COPS4: variants seen among roughly 807,000 people sequenced by gnomAD.
COPS4 encodes the protein COP9 signalosome subunit 4.
A neutral mutation model predicts 55.1 loss-of-function variants in COPS4; 8 were observed. The ratio of observed to expected loss-of-function variants is 0.15; its 90% CI spans 0.09 to 0.26. The LOEUF is 0.26. Among genes scored for constraint, COPS4 ranks in the 10% least tolerant of loss-of-function variants. COPS4 has a pLI of 1.00. For missense variants in COPS4, 248 were observed against 484.0 expected (o/e 0.51, Z 4.58); for synonymous variants, 185 against 165.7 (o/e 1.12, Z -0.90).
At chr4:83,040,941 A>G (rs1001121485) in intron 1 of COPS4, among the ~76,000 whole-genome samples, 1 of 152,100 alleles carries the variant, frequency 6.6e-6, no homozygotes, top group African/African-American at 2.4e-5. Flanking sequence ...TTAAGAATCA[A>G]CATACTGAAT....
intron 5 of COPS4, 80 bp from the exon 6 acceptor site, chr4:83,057,178 T>C: frequency 6.6e-7 from 1 of 1,508,984 alleles, no homozygotes. Flanking sequence ...ATATTAGAAA[T>C]TGTTTCTCTG....
chr4:83,064,785 C>T (rs1453491562), intron 7 of COPS4, among the ~76,000 whole-genome samples: 1 of 150,612 alleles, frequency 6.6e-6, no homozygotes, highest in African/African-American at 2.4e-5. Flanking sequence ...GTCTTGAACT[C>T]CTGGCCTCAA....
At chr4:83,049,664 C>T in intron 3 of COPS4, 2 of 510,080 alleles carry the variant, frequency 3.9e-6, no homozygotes, top group South Asian at 2.7e-5. Flanking sequence ...AGTATTGTAC[C>T]ATAATCCACA....
At chr4:83,073,256 A>G (rs1345897987) in intron 9 of COPS4, 11 of 696,450 alleles carry the variant, frequency 1.6e-5, no homozygotes, top group Non-Finnish European at 2.1e-5. Flanking sequence ...CCTAGTCTGG[A>G]TAGTTCATAT....
chr4:83,051,276 T>G (rs573650945), intron 4 of COPS4, among the ~76,000 whole-genome samples: 9 of 151,972 alleles, frequency 5.9e-5, no homozygotes, highest in Non-Finnish European at 8.8e-5. Context: ...TAGCTGGGCC[T>G]GGTGATATAG....
rs1427572068 is a variant in COPS4, at chr4:83,063,451, G to T, written c.886+205G>T. 2.2e-5 allele frequency among the ~76,000 whole-genome samples: 3 copies of T among 139,290 alleles called. No individual in the cohort carries two copies. The East Asian group carries it at 7.7e-4, about 36-fold the overall frequency. 91.4% of individuals were successfully genotyped at this position (139,290 alleles called of 152,430 possible). On this transcript the variant is annotated intron_variant, in intron 7 of 9. Transcript: ENST00000264389. ...GTCTTGCTCTGTCACCCAGGCTGGA[G>T]TGCAGTGGCACAATGGCGTGATCTC...
At chr4:83,035,546 C>T (rs1046467913) in intron 1 of COPS4, 3 of 352,744 alleles carry the variant, frequency 8.5e-6, no homozygotes, top group Non-Finnish European at 1.7e-5. Flanking sequence ...TTGATAGAAT[C>T]TTTCTGGTCC....
At position 83,073,008 on chromosome 4, in the gene COPS4, T is replaced by C. The variant is rs563113532; in HGVS notation, c.1088-2289T>C. 9.5e-4 allele frequency among the ~76,000 whole-genome samples: 145 copies of C among 152,240 alleles called. 1 individual carries two copies. Among genetic ancestry groups the C allele is most frequent in the South Asian group, 3.1e-3 (15 of 4,822 alleles). On this transcript the variant is annotated intron_variant, in intron 9 of 9. Transcript: ENST00000264389. Reference sequence around the variant, plus strand: ...CCTAGGCAACATAACGAGACCCCATTTCTACAGGATAAAAGAAAAAAAGAA... The same window carrying C: ...CCTAGGCAACATAACGAGACCCCATCTCTACAGGATAAAAGAAAAAAAGAA...
chr4:83,060,253 G>A (rs1302483962), intron 6 of COPS4, among the ~76,000 whole-genome samples: 1 of 147,910 alleles, frequency 6.8e-6, no homozygotes, highest in Non-Finnish European at 1.5e-5. Flanking sequence ...GCACTATCTC[G>A]GCTCACTGCA....
chr4:83,035,818 C>CT (rs1412942684), intron 1 of COPS4: 1 of 157,606 alleles, frequency 6.3e-6, no homozygotes, highest in East Asian at 1.9e-4. Context: ...AGACTGTCTT[C>CT]TGTGGGTCCT....
chr4:83,074,044 C>T (rs1731505447), intron 9 of COPS4, among the ~76,000 whole-genome samples: 1 of 151,724 alleles, frequency 6.6e-6, no homozygotes, highest in Non-Finnish European at 1.5e-5. Context: ...ATGGGACATT[C>T]CTCTCAATTT....
Position 83,043,486 on chromosome 4 carries a change from T to A in COPS4, c.75-2140T>A, listed in dbSNP as rs193096101. Among the ~76,000 whole-genome samples the A allele has an allele frequency of 1.2e-4, 15 of 123,908 alleles. No individual in the cohort carries two copies. In the East Asian group the frequency reaches 3.6e-3, roughly 29 times the overall value. The allele number at this position is 123,908 out of a possible 152,430, so 81.3% of individuals were successfully genotyped here. Reference sequence around the variant, plus strand: ...GTGAGCTATGATCATGTCACTGCACTCTAGCCTGGGCGACAGAGTGAGACC... The same window carrying A: ...GTGAGCTATGATCATGTCACTGCACACTAGCCTGGGCGACAGAGTGAGACC... On this transcript the variant is annotated intron_variant, in intron 1 of 9. Transcript: ENST00000264389.
At chr4:83,038,872 T>C (rs758852592) in intron 1 of COPS4, among the ~76,000 whole-genome samples, 2 of 152,192 alleles carry the variant, frequency 1.3e-5, no homozygotes, top group Non-Finnish European at 2.9e-5. Context: ...CTCGATCTTT[T>C]GACCTTGTGA....
At position 83,056,914 on chromosome 4, in the gene COPS4, G is replaced by C. The variant is rs1254897463; in HGVS notation, c.411-12G>C. On this transcript the variant is annotated splice_polypyrimidine_tract_variant and intron_variant, in intron 4 of 9. Coordinates refer to ENST00000264389, the MANE Select transcript of COPS4 (RefSeq NM_016129.3). ...ATGTTGAGTCATTATGTGTTTTTCT[G>C]TTACATCCTAGACAGTACAATGTAG... The C allele has an allele frequency of 6.4e-7, 1 of 1,561,744 alleles. No individual in the cohort carries two copies.
chr4:83,064,400 G>C (rs768567507), intron 7 of COPS4, among the ~76,000 whole-genome samples: 4 of 152,142 alleles, frequency 2.6e-5, no homozygotes, highest in Admixed American at 6.5e-5. Context: ...TGGGTGTGCA[G>C]TTCTGTGGCA....
At chr4:83,075,175 G>T in intron 9 of COPS4, 122 bp from the exon 10 acceptor site, 2 of 756,568 alleles carry the variant, frequency 2.6e-6, no homozygotes, top group Non-Finnish European at 2.1e-6. Flanking sequence ...CTGTTTTTTA[G>T]GTATTTAAAA....
chr4:83,044,646 A>AT (rs1192870259), intron 1 of COPS4, among the ~76,000 whole-genome samples: 2 of 149,736 alleles, frequency 1.3e-5, no homozygotes, highest in East Asian at 3.9e-4. Context: ...GTGGTGGCGC[A>AT]TGCCTGTAAT....
chr4:83,063,370 G>T, intron 7 of COPS4, 124 bp downstream of exon 7: 2 of 661,722 alleles, frequency 3.0e-6, no homozygotes, highest in Non-Finnish European at 4.5e-6. Context: ...AAAAAAAGAG[G>T]AATTGTTTTT....
In COPS4 at chr4:83,074,625, G is replaced by C. The variant is rs368783644; in HGVS notation, c.1088-672G>C. Among the ~76,000 whole-genome samples, 26 of 150,476 alleles carry C rather than the reference G, an allele frequency of 1.7e-4. No individual in the cohort carries two copies. In the East Asian group the frequency reaches 4.9e-3, roughly 28 times the overall value. Reference sequence around the variant, plus strand: ...TTACAGGCGCCCGCCACCACGCCCGGCTAATTTTTGTATTTTTACTTTTCT... The same window carrying C: ...TTACAGGCGCCCGCCACCACGCCCGCCTAATTTTTGTATTTTTACTTTTCT... On this transcript the variant is annotated intron_variant, in intron 9 of 9. Transcript: ENST00000264389.
Sources: allele counts gnomAD v4.1 joint callset (sites outside exome capture counted in the v4.1 genomes callset), GRCh38; gene constraint gnomAD v4.1.1; transcripts MANE v1.5; gene names NCBI Gene and HGNC (gene_info 2026-07-23, HGNC 2026-07-21).